SRFBP1: variants seen among roughly 807,000 people sequenced by gnomAD.
SRFBP1 encodes serum response factor binding protein 1.
In SRFBP1, 47 loss-of-function variants were observed where a neutral mutation model predicts 45.5. The ratio of observed to expected loss-of-function variants is 1.03; its 90% CI spans 0.82 to 1.32. SRFBP1 has a LOEUF of 1.32. Ranked by LOEUF, SRFBP1 falls within the 40% of genes most tolerant of loss-of-function variation. The probability of loss-of-function intolerance (pLI) is 0.00; values close to 1 mark genes in which losing one functional copy is unlikely to be tolerated. For synonymous variants in SRFBP1, 203 were observed against 166.3 expected, an observed-to-expected ratio of 1.22 and a Z score of -1.70; for missense variants, 621 against 484.6, an observed-to-expected ratio of 1.28 and a Z score of -2.64.
downstream of SRFBP1, chr5:122,076,749 G>T: frequency 1.5e-6 from 1 of 648,382 alleles, no homozygotes; most frequent in Non-Finnish European, 2.7e-6. Context: ...AGGTCAGCAT[G>T]CCCAGGAGGT....
chr5:122,063,297 A>C lies in SRFBP1; in HGVS notation n.312-12018A>C, dbSNP rs559568357. On this transcript the variant is annotated intron_variant and non_coding_transcript_variant, in intron 2 of 2. Coordinates refer to the SRFBP1 transcript ENST00000504881. Reference sequence around the variant, plus strand: ...AGAATGCAAAGAGGAACATAAAGCCAATGTCTGAGCATTTAAAATAAGAGT... The same window carrying C: ...AGAATGCAAAGAGGAACATAAAGCCCATGTCTGAGCATTTAAAATAAGAGT... The C allele has an allele frequency of 1.8e-4, 28 of 152,100 alleles. No homozygotes were observed. In the South Asian group the frequency reaches 3.7e-3, roughly 20 times the overall value. 9.4% of individuals were successfully genotyped at this position (152,100 alleles called of 1,614,324 possible).
At chr5:122,077,853 G>A, downstream of SRFBP1, 1 of 1,543,590 alleles carries the variant, frequency 6.5e-7, no homozygotes, top group Non-Finnish European at 8.7e-7. The surrounding 1 kb of genome is among the most constrained non-coding windows in gnomAD (Gnocchi z 4.9). Context: ...CATTGGATCT[G>A]CTGGCGCCAG....
downstream of SRFBP1, chr5:122,077,440 A>AGGGTTGTCGTCAGAGTACTTGTAG: frequency 6.2e-7 from 1 of 1,614,044 alleles, no homozygotes; most frequent in Non-Finnish European, 8.5e-7. This position sits in a 1 kb window ranked among gnomAD's most constrained non-coding sequence, Gnocchi z 4.9. Context: ...AGTTGTAATA[A>AGGGTTGTCGTCAGAGTACTTGTAG]GGGTTGTCGT....
At chr5:122,008,983 A>G (rs929019337) in intron 4 of SRFBP1, among the ~76,000 whole-genome samples, 1 of 152,244 alleles carries the variant, frequency 6.6e-6, no homozygotes, top group African/African-American at 2.4e-5. Flanking sequence ...CTATAATAGT[A>G]TCACACATAC....
At chr5:122,028,768 T>G (rs556005832), downstream of SRFBP1, 2 of 152,336 alleles carry the variant, frequency 1.3e-5, no homozygotes, top group South Asian at 4.1e-4. Flanking sequence ...AAGGAAAATG[T>G]CTCTGTACCT....
chr5:121,966,174 T>C (rs534955386), intron 1 of SRFBP1, among the ~76,000 whole-genome samples: 3 of 152,316 alleles, frequency 2.0e-5, no homozygotes, highest in South Asian at 4.1e-4. Context: ...TGAATACGCT[T>C]TATTTCTTTC....
intron 2 of SRFBP1, among the ~76,000 whole-genome samples, chr5:122,055,175 C>T (rs1438971927): frequency 1.3e-5 from 2 of 152,090 alleles, no homozygotes; most frequent in Non-Finnish European, 2.9e-5. Flanking sequence ...TGGTAAGGGC[C>T]CAGTCCTCAC....
At chr5:122,050,568 T>G (rs1055928447) in intron 2 of SRFBP1, among the ~76,000 whole-genome samples, 1 of 152,030 alleles carries the variant, frequency 6.6e-6, no homozygotes, top group African/African-American at 2.4e-5. Context: ...TTTATTTGTT[T>G]GTTTGTTTGT....
At chr5:122,010,653 A>G (rs751733522) in intron 4 of SRFBP1, among the ~76,000 whole-genome samples, 4 of 152,110 alleles carry the variant, frequency 2.6e-5, no homozygotes, top group Admixed American at 6.5e-5. Context: ...TCCTTCCCTC[A>G]CAGTAATGTT....
chr5:122,014,501 A>G (rs1753157855), intron 4 of SRFBP1, among the ~76,000 whole-genome samples: 1 of 152,110 alleles, frequency 6.6e-6, no homozygotes, highest in Non-Finnish European at 1.5e-5. Context: ...ATATTCTTCC[A>G]CAAATAAGTG....
intron 2 of SRFBP1, among the ~76,000 whole-genome samples, chr5:122,054,232 G>C (rs1366068292): frequency 2.6e-5 from 4 of 152,300 alleles, no homozygotes; most frequent in Non-Finnish European, 5.9e-5. Context: ...AGGGGTTTCT[G>C]GGAGGTCCAG....
In SRFBP1 at chr5:122,049,012, A is replaced by AT. The variant is rs1194336942; in HGVS notation, n.312-26297dup. 1.1e-4 allele frequency among the ~76,000 whole-genome samples: 16 copies of AT among 149,546 alleles called. No homozygotes were observed. The South Asian group carries it at 1.9e-3, about 18-fold the overall frequency. ...AAAAAATGAGCTCCTGGATTCATTGATTTTTTGAAGGGTTTTTTTGTGTCT... is the reference window on the plus strand; with the variant it reads ...AAAAAATGAGCTCCTGGATTCATTGATTTTTTTGAAGGGTTTTTTTGTGTCT... On this transcript the variant is annotated intron_variant and non_coding_transcript_variant, in intron 2 of 2. Coordinates refer to the SRFBP1 transcript ENST00000504881.
At chr5:121,981,763 A>T (rs574792620) in intron 3 of SRFBP1, among the ~76,000 whole-genome samples, 1 of 151,946 alleles carries the variant, frequency 6.6e-6, no homozygotes, top group South Asian at 2.1e-4. Context: ...GTACTTACCT[A>T]CTTTATGCAG....
intron 3 of SRFBP1, among the ~76,000 whole-genome samples, chr5:121,980,721 G>C (rs1752391446): frequency 6.6e-6 from 1 of 152,048 alleles, no homozygotes; most frequent in Non-Finnish European, 1.5e-5. Flanking sequence ...ATAAGTGGTT[G>C]TTTGAATGAA....
At chr5:122,077,557 C>T (rs758556691), downstream of SRFBP1, 4 of 1,613,232 alleles carry the variant, frequency 2.5e-6, no homozygotes, top group South Asian at 2.2e-5. The surrounding 1 kb of genome is among the most constrained non-coding windows in gnomAD (Gnocchi z 4.9). Context: ...CTGTCTGGTT[C>T]TCCGCGCGCG....
intron 3 of SRFBP1, among the ~76,000 whole-genome samples, chr5:121,988,487 T>G (rs901612098): frequency 6.6e-6 from 1 of 152,178 alleles, no homozygotes; most frequent in Non-Finnish European, 1.5e-5. Flanking sequence ...ATAGGCATAA[T>G]TCTAGGTGGC....
intron 7 of SRFBP1, among the ~76,000 whole-genome samples, chr5:122,023,278 C>T (rs1425930161): frequency 6.6e-6 from 1 of 152,118 alleles, no homozygotes; most frequent in Admixed American, 6.5e-5. Context: ...ACTTTTCCTC[C>T]TACACAGAGC....
intron 4 of SRFBP1, among the ~76,000 whole-genome samples, chr5:121,995,022 G>A (rs1359076376): frequency 6.7e-6 from 1 of 148,438 alleles, no homozygotes; most frequent in Admixed American, 6.7e-5. Context: ...AGCAAGTCCT[G>A]AGTGACCTAC....
intron 2 of SRFBP1, among the ~76,000 whole-genome samples, chr5:122,034,254 A>T (rs2112723559): frequency 6.6e-6 from 1 of 152,324 alleles, no homozygotes; most frequent in South Asian, 2.1e-4. Flanking sequence ...ATGTGTTAAG[A>T]TGAATATGTT....
Sources: gnomAD v4.1 joint callset for allele counts (sites outside exome capture counted in the v4.1 genomes callset) on GRCh38, gnomAD v4.1.1 for gene constraint, Gnocchi (gnomAD v3.1) non-coding constraint, MANE v1.5 for transcripts, NCBI Gene and HGNC (gene_info 2026-07-23, HGNC 2026-07-21) for gene names.